Variants in SOX6 observed in about 807,000 individuals in gnomAD.
The protein encoded by SOX6 is SRY-box transcription factor 6, also known as transcription factor SOX-6.
A neutral mutation model predicts 97.8 loss-of-function variants in SOX6; 11 were observed. The observed-to-expected ratio is 0.11, with a 90% CI of 0.07 to 0.19. The LOEUF is 0.19. Among genes scored for constraint, SOX6 ranks in the 10% least tolerant of loss-of-function variants. The pLI is 1.00. For synonymous variants in SOX6, 360 were observed against 371.4 expected, an observed-to-expected ratio of 0.97 and a Z score of 0.35; for missense variants, 810 against 1,039.5, an observed-to-expected ratio of 0.78 and a Z score of 3.04.
intron 3 of SOX6, among the ~76,000 whole-genome samples, chr11:16,622,571 C>T (rs1848560814): frequency 6.6e-6 from 1 of 152,212 alleles, no homozygotes; most frequent in African/African-American, 2.4e-5. Context: ...TCTCCAATTC[C>T]ATCCAGCTTG....
chr11:16,317,102 C>T (rs984767206), intron 3 of SOX6: 6 of 151,540 alleles, frequency 4.0e-5, no homozygotes, highest in Non-Finnish European at 8.8e-5. Flanking sequence ...TACATATATA[C>T]AAAAAGATAT....
intron 4 of SOX6, among the ~76,000 whole-genome samples, chr11:16,504,178 T>C (rs1038450982): frequency 2.8e-4 from 42 of 151,946 alleles, no homozygotes; most frequent in Non-Finnish European, 4.6e-4. Context: ...CTCTAATAAC[T>C]AGAACAAGAC....
chr11:16,514,453 G>A (rs1860930999), intron 4 of SOX6, among the ~76,000 whole-genome samples: 2 of 152,100 alleles, frequency 1.3e-5, no homozygotes, highest in South Asian at 4.2e-4. Context: ...AGCTAACTGT[G>A]TAACCTCTGA....
chr11:16,597,900 C>A (rs989911176), intron 4 of SOX6, among the ~76,000 whole-genome samples: 11 of 151,986 alleles, frequency 7.2e-5, no homozygotes, highest in Non-Finnish European at 1.3e-4. Context: ...TATCCCAAGT[C>A]TTCCAGACCA....
intron 11 of SOX6, among the ~76,000 whole-genome samples, chr11:16,048,845 A>G (rs1277072095): frequency 6.6e-6 from 1 of 152,100 alleles, no homozygotes; most frequent in Non-Finnish European, 1.5e-5. Flanking sequence ...TAACAAATTA[A>G]GAGACTTAAT....
intron 3 of SOX6, among the ~76,000 whole-genome samples, chr11:16,666,883 C>T (rs899256595): frequency 6.6e-6 from 1 of 151,588 alleles, no homozygotes; most frequent in African/African-American, 2.4e-5. Context: ...CTTAAAAGGG[C>T]AAATCTAAGA....
intron 7 of SOX6, among the ~76,000 whole-genome samples, chr11:16,104,671 G>C (rs1849031114): frequency 6.6e-6 from 1 of 151,272 alleles, no homozygotes; most frequent in Admixed American, 6.6e-5. Flanking sequence ...CACATACACA[G>C]GTTGGGGGTT....
chr11:16,339,464 T>C (rs1856560868), intron 2 of SOX6, among the ~76,000 whole-genome samples: 1 of 152,046 alleles, frequency 6.6e-6, no homozygotes, highest in Admixed American at 6.6e-5. Flanking sequence ...TTTTACTCTT[T>C]GTTCCACTCT....
intron 3 of SOX6, among the ~76,000 whole-genome samples, chr11:16,641,289 T>A (rs1848909389): frequency 6.6e-6 from 1 of 152,224 alleles, no homozygotes; most frequent in South Asian, 2.1e-4. Context: ...TGTTTTAATT[T>A]CTGTTCTTTT....
At chr11:16,734,957 T>C (rs1335780638) in intron 2 of SOX6, among the ~76,000 whole-genome samples, 1 of 152,218 alleles carries the variant, frequency 6.6e-6, no homozygotes, top group Non-Finnish European at 1.5e-5. Context: ...GAGATCAGAA[T>C]ATCGACCTTA....
At chr11:16,029,269 C>T (rs905441687) in intron 12 of SOX6, among the ~76,000 whole-genome samples, 1 of 152,116 alleles carries the variant, frequency 6.6e-6, no homozygotes, top group Non-Finnish European at 1.5e-5. Flanking sequence ...GCACTTCTGC[C>T]CAGATAAGGA....
Position 16,186,861 on chromosome 11 carries a change from A to C in SOX6, c.630T>G (p.Asp210Glu). ...GTGACGCTGCCAGTTTTTTCTGTTC[A>C]TCATGCGCTGCCAGTAGCTGCTCCC... is the stretch of plus-strand genomic sequence containing the variant. ...SLREQLLAAH[D>E]EQKKLAASQI... The change falls in exon 5 of 16, where the codon GAT (aspartate) becomes GAG (glutamate). Residue 210 changes from aspartate to glutamate, a missense_variant. Asp to Glu is a conservative substitution (Grantham distance 45). Around this residue, in one of 9 missense-constraint regions of SOX6, gnomAD observed 110 missense variants for 119.0 expected, o/e 0.92. Coordinates refer to ENST00000683767, the MANE Select transcript of SOX6 (RefSeq NM_001367873.1). 2 of 1,613,768 alleles carry C rather than the reference A, an allele frequency of 1.2e-6. No individual in the cohort carries two copies. Among genetic ancestry groups the C allele is most frequent in the Non-Finnish European group, 1.7e-6 (2 of 1,179,840 alleles).
chr11:16,427,155 A>G (rs1859158816), intron 1 of SOX6, among the ~76,000 whole-genome samples: 1 of 152,112 alleles, frequency 6.6e-6, no homozygotes, highest in African/African-American at 2.4e-5. Flanking sequence ...GCTTCTGCAC[A>G]GTAAAAGAAG....
intron 4 of SOX6, among the ~76,000 whole-genome samples, chr11:16,219,112 A>G (rs1852462617): frequency 6.6e-6 from 1 of 152,044 alleles, no homozygotes; most frequent in Admixed American, 6.6e-5. Flanking sequence ...ATCATTTTGT[A>G]TAGACTTTCT....
At chr11:16,084,507 T>C (rs750867556) in intron 9 of SOX6, among the ~76,000 whole-genome samples, 5 of 152,122 alleles carry the variant, frequency 3.3e-5, no homozygotes, top group Non-Finnish European at 5.9e-5. Flanking sequence ...AATTTGCTTA[T>C]ATTATCTCAT....
At chr11:16,358,792 T>C (rs1857132259), upstream of SOX6, among the ~76,000 whole-genome samples, 2 of 152,158 alleles carry the variant, frequency 1.3e-5, no homozygotes, top group Admixed American at 6.6e-5. Context: ...ATGAGGTATG[T>C]TTCTAACACT....
intron 1 of SOX6, among the ~76,000 whole-genome samples, chr11:16,382,793 T>C (rs1857863636): frequency 6.6e-6 from 1 of 151,930 alleles, no homozygotes; most frequent in African/African-American, 2.4e-5. Context: ...CAATGTGGAA[T>C]CATTGTCAAC....
At chr11:16,578,871 T>C (rs573950291) in intron 4 of SOX6, among the ~76,000 whole-genome samples, 4 of 152,212 alleles carry the variant, frequency 2.6e-5, no homozygotes, top group South Asian at 2.1e-4. Context: ...AACTACCAAT[T>C]GAAAGGGAAA....
intron 15 of SOX6, among the ~76,000 whole-genome samples, chr11:15,974,378 C>CTTTTTTTTT (rs35597667): frequency 6.0e-3 from 513 of 85,584 alleles, no homozygotes; most frequent in East Asian, 7.6e-3. Context: ...TTAGCTCTCT[C>CTTTTTTTTT]TTTTTTTTTT....
Sources: allele counts gnomAD v4.1 joint callset (sites outside exome capture counted in the v4.1 genomes callset), GRCh38; gene constraint gnomAD v4.1.1; regional missense constraint gnomAD v4.1.1; transcripts MANE v1.5; gene names NCBI Gene and HGNC (gene_info 2026-07-23, HGNC 2026-07-21).